Variants in ECT2 observed in about 807,000 individuals in gnomAD.
The protein encoded by ECT2 is epithelial cell transforming 2.
ECT2 carries 61 observed loss-of-function variants against 116.9 expected under a neutral mutation model. The ratio of observed to expected loss-of-function variants is 0.52; its 90% CI spans 0.42 to 0.65. The LOEUF is 0.65. Ranked by LOEUF, ECT2 falls within the 30% of genes least tolerant of loss-of-function variation. ECT2 has a pLI of 0.00. For synonymous variants in ECT2, 358 were observed against 346.4 expected (o/e 1.03, Z -0.37); for missense variants, 937 against 1,078.7 (o/e 0.87, Z 1.84).
At chr3:172,796,347 T>A (rs1055082175) in intron 18 of ECT2, 2 of 152,228 alleles carry the variant, frequency 1.3e-5, no homozygotes, top group Non-Finnish European at 2.9e-5. Flanking sequence ...TTGATTGATA[T>A]AGGACCAAAG....
rs768985448 is a variant in ECT2, at chr3:172,754,530, C to T, written c.-1C>T. On this transcript the variant is annotated 5_prime_UTR_variant, in exon 2 of 25. Coordinates refer to ENST00000392692, the MANE Select transcript of ECT2 (RefSeq NM_001258315.2). ...TCAGCTGATTTAGAAGAATACAAAT[C>T]ATGGCTGAAAATAGTGTATTAACAT... is the stretch of plus-strand genomic sequence containing the variant. 6.3e-7 allele frequency: 1 copy of T among 1,590,608 alleles called. No homozygotes were observed. The highest frequency in any genetic ancestry group is 2.2e-5 in the East Asian group (1 of 44,482).
intron 4 of ECT2, 61 bp downstream of exon 4, chr3:172,755,636 C>A: frequency 1.1e-6 from 1 of 905,892 alleles, no homozygotes; most frequent in Non-Finnish European, 1.6e-6. Context: ...TATTATTCTA[C>A]TTTCTGGTGA....
chr3:172,802,651 A>G lies in ECT2; in HGVS notation c.1943A>G (p.Gln648Arg), dbSNP rs916890985. 6.2e-7 allele frequency: 1 copy of G among 1,603,162 alleles called. No homozygotes were observed. Among genetic ancestry groups the G allele is most frequent in the Non-Finnish European group, 8.5e-7 (1 of 1,174,768 alleles). Residue 648 changes from glutamine (Q) to arginine (R), a missense_variant, in exon 19 of 25, where the codon CAA (glutamine) becomes CGA (arginine). Coordinates refer to ENST00000392692, the MANE Select transcript of ECT2 (RefSeq NM_001258315.2). ...INEDKRKTEA[Q>R]KQIFDVVYEV... ...GAGGATAAGAGAAAAACAGAAGCTC[A>G]AAAGCAAATTTTTGATGTTGTTTAT...
At position 172,755,556 on chromosome 3, in the gene ECT2, T is replaced by A. The variant is rs972820083; in HGVS notation, c.284T>A (p.Ile95Lys). 6 of 1,461,362 alleles carry A rather than the reference T, an allele frequency of 4.1e-6. No homozygotes were observed. In the African/African-American group the frequency reaches 7.1e-5, roughly 17 times the overall value. 90.5% of individuals were successfully genotyped at this position (1,461,362 alleles called of 1,614,324 possible). A position where few individuals can be genotyped will look rare whatever the true frequency, so the allele number is the denominator to read the frequency against. ...CCTGGAAAATCGGATGAAAAATTAATAAAAAGTGTTATTAATATGGTAGGT... is the reference window on the plus strand; with the variant it reads ...CCTGGAAAATCGGATGAAAAATTAAAAAAAAGTGTTATTAATATGGTAGGT... ...SCPGKSDEKLIKSVINMDIKV... is the reference protein window; with the variant it reads ...SCPGKSDEKLKKSVINMDIKV... The change falls in exon 4 of 25, where the codon ATA becomes AAA. Residue 95 changes from isoleucine to lysine, a missense_variant. Coordinates refer to ENST00000392692, the MANE Select transcript of ECT2 (RefSeq NM_001258315.2).
chr3:172,788,481 C>T (rs2108771048), intron 18 of ECT2, among the ~76,000 whole-genome samples: 1 of 152,272 alleles, frequency 6.6e-6, no homozygotes, highest in African/African-American at 2.4e-5. Context: ...CTGTCACCCC[C>T]AAAATTTACT....
chr3:172,761,801 G>A, intron 8 of ECT2, 118 bp downstream of exon 8: 1 of 555,196 alleles, frequency 1.8e-6, no homozygotes, highest in Non-Finnish European at 3.1e-6. Context: ...AGTCTGAGTA[G>A]CTTGAGGAAT....
chr3:172,823,251 T>TAG, downstream of ECT2, among the ~76,000 whole-genome samples: 1 of 152,058 alleles, frequency 6.6e-6, no homozygotes, highest in African/African-American at 2.4e-5. Flanking sequence ...CACAGAAAAA[T>TAG]GTAACTCAAA....
intron 14 of ECT2, among the ~76,000 whole-genome samples, chr3:172,774,739 A>G (rs1448330620): frequency 3.9e-5 from 6 of 152,100 alleles, no homozygotes; most frequent in South Asian, 2.1e-4. Flanking sequence ...CCTGGACTCA[A>G]CTGATCCTCC....
chr3:172,767,836 A>T (rs1042268666), intron 12 of ECT2, among the ~76,000 whole-genome samples: 53 of 151,814 alleles, frequency 3.5e-4, no homozygotes, highest in African/African-American at 1.2e-3. Flanking sequence ...GGTTCAAGAG[A>T]TTCTCCTGCC....
At chr3:172,791,233 G>C (rs1037346029) in intron 18 of ECT2, among the ~76,000 whole-genome samples, 2 of 152,142 alleles carry the variant, frequency 1.3e-5, no homozygotes, top group Non-Finnish European at 2.9e-5. Flanking sequence ...AGGCAGAGTC[G>C]ATTTAGCATA....
chr3:172,824,526 C>T (rs117718102), downstream of ECT2, among the ~76,000 whole-genome samples: 611 of 152,278 alleles, frequency 4.0e-3, 8 homozygotes, highest in Admixed American at 0.028. Flanking sequence ...CCAGGCCCTA[C>T]CTCCAGCATT....
intron 15 of ECT2, among the ~76,000 whole-genome samples, chr3:172,782,485 A>C (rs1453931877): frequency 6.6e-6 from 1 of 152,196 alleles, no homozygotes; most frequent in East Asian, 1.9e-4. Flanking sequence ...AGTATGTATC[A>C]AGTTATTTGC....
chr3:172,774,112 A>C, intron 14 of ECT2, 90 bp downstream of exon 14: 1 of 1,289,990 alleles, frequency 7.8e-7, no homozygotes, highest in Admixed American at 2.2e-5. Flanking sequence ...TAGCTAAATA[A>C]GTTTTGTACC....
At chr3:172,784,643 A>T in intron 16 of ECT2, 64 bp from the exon 17 acceptor site, 1 of 1,202,784 alleles carries the variant, frequency 8.3e-7, no homozygotes, top group African/African-American at 1.5e-5. Context: ...GTACTCCAGT[A>T]AAAGTAGGGC....
intron 24 of ECT2, chr3:172,818,538 GTTCTAACAGAT>G: frequency 7.9e-7 from 1 of 1,263,152 alleles, no homozygotes; most frequent in African/African-American, 1.5e-5. Flanking sequence ...GCTTGTTTCT[GTTCTAACAGAT>G]TACCCATTCT....
chr3:172,786,645 T>A, intron 18 of ECT2, 71 bp downstream of exon 18: 1 of 1,047,776 alleles, frequency 9.5e-7, no homozygotes. Context: ...ACTAGAATCA[T>A]AAATAGGAAA....
At chr3:172,761,947 ATAAT>A (rs1403951780) in intron 8 of ECT2, among the ~76,000 whole-genome samples, 7 of 152,128 alleles carry the variant, frequency 4.6e-5, no homozygotes, top group South Asian at 2.1e-4. Flanking sequence ...TAATAGCTAA[ATAAT>A]TCTGTGTATT....
intron 24 of ECT2, among the ~76,000 whole-genome samples, chr3:172,818,135 A>G (rs1209980124): frequency 6.6e-6 from 1 of 152,110 alleles, no homozygotes; most frequent in Non-Finnish European, 1.5e-5. Context: ...CTCATTAAAT[A>G]TATATTTTAA....
intron 18 of ECT2, among the ~76,000 whole-genome samples, chr3:172,798,502 C>T (rs192161539): frequency 3.7e-4 from 57 of 152,076 alleles, no homozygotes; most frequent in African/African-American, 1.3e-3. Context: ...GTTGGATTCA[C>T]GAAACTACTA....
Sources: allele counts gnomAD v4.1 joint callset (sites outside exome capture counted in the v4.1 genomes callset), GRCh38; gene constraint gnomAD v4.1.1; transcripts MANE v1.5; gene names NCBI Gene and HGNC (gene_info 2026-07-23, HGNC 2026-07-21).